GLB1: variants seen among roughly 807,000 people sequenced by gnomAD.
GLB1 encodes galactosidase beta 1.
Under a neutral mutation model 74.0 loss-of-function variants are expected in GLB1, and 56 were observed. The ratio of observed to expected loss-of-function variants is 0.76; its 90% confidence interval spans 0.61 to 0.94. GLB1 has a LOEUF of 0.94. GLB1 is among the 40% of genes least tolerant of loss of function. GLB1 has a pLI of 0.00. For synonymous variants in GLB1, 323 were observed against 323.6 expected (o/e 1.00, Z 0.02); for missense variants, 787 against 845.5 (o/e 0.93, Z 0.86).
At chr3:32,987,800 T>A in the GLB1 span, among the ~76,000 whole-genome samples, 3 of 152,190 alleles carry the variant, frequency 2.0e-5, no homozygotes, top group Non-Finnish European at 4.4e-5. Context: ...AATGAATGAA[T>A]GAGTGAAAGT....
At position 33,077,163 on chromosome 3, in the gene GLB1, A is replaced by G. The variant is rs1032766204; in HGVS notation, c.76-4450T>C. The G allele has an allele frequency of 3.4e-6, 5 of 1,454,948 alleles. No individual in the cohort carries two copies. The East Asian group carries it at 8.7e-5, about 25-fold the overall frequency. 90.1% of individuals were successfully genotyped at this position (1,454,948 alleles called of 1,614,324 possible). A position where few individuals can be genotyped will look rare whatever the true frequency, so the allele number is the denominator to read the frequency against. On this transcript the variant is annotated intron_variant, in intron 1 of 15. Transcript: ENST00000307363. ...CGTGCTCATTCGGTGCAGTCTTGGT[A>G]CCTCTTTTGTGAAGCGGCAGCTGAG... is the stretch of plus-strand genomic sequence containing the variant.
chr3:33,015,129 C>CT (rs2125464619), intron 14 of GLB1, among the ~76,000 whole-genome samples: 1 of 152,260 alleles, frequency 6.6e-6, no homozygotes, highest in South Asian at 2.1e-4. Flanking sequence ...GCGCTCCAGG[C>CT]TGGGTGACAG....
chr3:33,091,924 T>C, intron 1 of GLB1: 1 of 985,442 alleles, frequency 1.0e-6, no homozygotes, highest in Non-Finnish European at 1.2e-6. Flanking sequence ...AGCACCGCTT[T>C]TACTGGGAGG....
chr3:33,083,397 C>CA (rs60737086), intron 1 of GLB1, among the ~76,000 whole-genome samples: 1,217 of 104,160 alleles, frequency 0.012, 46 homozygotes, highest in African/African-American at 0.024. Flanking sequence ...AACTCTGTCT[C>CA]AAAAAAAAAA....
chr3:32,970,086 C>T, the GLB1 span, among the ~76,000 whole-genome samples: 7 of 152,204 alleles, frequency 4.6e-5, no homozygotes, highest in Non-Finnish European at 1.0e-4. Context: ...ACATTATTCC[C>T]AGATTTGGAC....
intron 1 of GLB1, among the ~76,000 whole-genome samples, chr3:33,095,029 G>GTAGAGACA (rs1700951586): frequency 6.6e-6 from 1 of 152,040 alleles, no homozygotes; most frequent in African/African-American, 2.4e-5. Flanking sequence ...TGGCCAACAT[G>GTAGAGACA]GTAAAACCCT....
At chr3:33,000,421 G>A (rs530814244) in intron 15 of GLB1, among the ~76,000 whole-genome samples, 44 of 152,240 alleles carry the variant, frequency 2.9e-4, no homozygotes, top group Admixed American at 1.0e-3. Context: ...AAAAATGAAC[G>A]TTCTTGTAAA....
chr3:32,961,156 G>A, the GLB1 span, among the ~76,000 whole-genome samples: 3 of 152,186 alleles, frequency 2.0e-5, no homozygotes, highest in African/African-American at 4.8e-5. Flanking sequence ...GAACATAACT[G>A]CCAAAGTCTG....
intron 15 of GLB1, among the ~76,000 whole-genome samples, chr3:32,998,666 A>G (rs940333083): frequency 6.6e-6 from 1 of 152,140 alleles, no homozygotes; most frequent in East Asian, 1.9e-4. Context: ...AAAGGAAAAC[A>G]TAAAGGGAGA....
At chr3:32,989,545 G>C in the GLB1 span, among the ~76,000 whole-genome samples, 1 of 152,264 alleles carries the variant, frequency 6.6e-6, no homozygotes, top group East Asian at 1.9e-4. Flanking sequence ...ATCCACTGGG[G>C]ACCCACATAT....
chr3:33,029,541 G>C (rs963211597), intron 10 of GLB1, among the ~76,000 whole-genome samples: 3 of 152,130 alleles, frequency 2.0e-5, no homozygotes, highest in Admixed American at 6.5e-5. Flanking sequence ...TAAAGACACG[G>C]AATCAACCTA....
At chr3:33,042,876 A>C (rs1456160082) in intron 10 of GLB1, among the ~76,000 whole-genome samples, 1 of 152,218 alleles carries the variant, frequency 6.6e-6, no homozygotes, top group Non-Finnish European at 1.5e-5. Context: ...ACAGCCACCA[A>C]GCACCTAAAA....
intron 15 of GLB1, 123 bp from the exon 16 acceptor site, chr3:32,997,467 G>C: frequency 6.7e-7 from 1 of 1,483,884 alleles, no homozygotes; most frequent in South Asian, 1.2e-5. Flanking sequence ...AGAAAGGCGA[G>C]GCTGACAGCC....
chr3:33,033,041 G>A (rs181046195), intron 10 of GLB1, among the ~76,000 whole-genome samples: 17 of 152,322 alleles, frequency 1.1e-4, no homozygotes, highest in Admixed American at 1.3e-4. Flanking sequence ...CTTTACATGG[G>A]TACAGTAGGA....
chr3:33,061,933 TG>T (rs1699460360), intron 5 of GLB1, among the ~76,000 whole-genome samples: 1 of 152,176 alleles, frequency 6.6e-6, no homozygotes, highest in African/African-American at 2.4e-5. Context: ...AGCACAGACC[TG>T]GTTTCCTGTA....
At chr3:33,065,366 C>A in intron 5 of GLB1, 97 bp downstream of exon 5, 1 of 1,466,526 alleles carries the variant, frequency 6.8e-7, no homozygotes. Context: ...AAGAAACAGA[C>A]CTATGAGGCT....
At chr3:33,024,844 A>T (rs1316586363) in intron 10 of GLB1, among the ~76,000 whole-genome samples, 1 of 151,644 alleles carries the variant, frequency 6.6e-6, no homozygotes, top group African/African-American at 2.4e-5. Flanking sequence ...GAAAACACAC[A>T]CACAGACAGA....
chr3:33,073,556 T>C (rs1342099955), intron 1 of GLB1, among the ~76,000 whole-genome samples: 1 of 151,792 alleles, frequency 6.6e-6, no homozygotes, highest in Admixed American at 6.6e-5. Context: ...GGCATGGTGG[T>C]GCACGTCTAT....
At chr3:32,971,710 G>A in the GLB1 span, among the ~76,000 whole-genome samples, 2 of 152,216 alleles carry the variant, frequency 1.3e-5, no homozygotes, top group Admixed American at 6.5e-5. Context: ...GTATTATGAT[G>A]AGACTAAAAA....
Sources: gnomAD v4.1 joint callset for allele counts (sites outside exome capture counted in the v4.1 genomes callset) on GRCh38, gnomAD v4.1.1 for gene constraint, MANE v1.5 for transcripts, NCBI Gene and HGNC (gene_info 2026-07-23, HGNC 2026-07-21) for gene names.